The following NIPAL2 variants were observed in gnomAD, a reference collection of about 807,000 sequenced individuals.
NIPAL2 encodes NIPA like domain containing 2, also known as NIPA-like protein 2.
Under a neutral mutation model 48.9 loss-of-function variants are expected in NIPAL2, and 43 were observed. That is an observed-to-expected ratio of 0.88 (90% confidence interval 0.69 to 1.13). The LOEUF is 1.13. Among genes scored for constraint, NIPAL2 ranks in the 50% most tolerant of loss-of-function variants. The pLI, the probability that NIPAL2 is intolerant of heterozygous loss-of-function variation, is 0.00. For missense variants in NIPAL2, 446 were observed against 461.4 expected, an observed-to-expected ratio of 0.97 and a Z score of 0.31; for synonymous variants, 167 against 174.6, an observed-to-expected ratio of 0.96 and a Z score of 0.34.
At chr8:98,199,108 C>T (rs1810691546) in intron 8 of NIPAL2, among the ~76,000 whole-genome samples, 3 of 151,980 alleles carry the variant, frequency 2.0e-5, no homozygotes, top group South Asian at 4.2e-4. Flanking sequence ...AGTCATGTGC[C>T]ACCATGCCCG....
chr8:98,190,904 C>T lies in NIPAL2; in HGVS notation c.*2074G>A, dbSNP rs1384180727. 6.6e-6 allele frequency: 1 copy of T among 152,170 alleles called. No homozygotes were observed. Among genetic ancestry groups the T allele is most frequent in the Admixed American group, 6.5e-5 (1 of 15,284 alleles). 9.4% of individuals were successfully genotyped at this position (152,170 alleles called of 1,614,324 possible). On this transcript the variant is annotated 3_prime_UTR_variant, in exon 11 of 11. Transcript: ENST00000430223. ...TGAGTTGGCTTTAGTTGTTGTCATG[C>T]ACTGTGTAATTTAAAAAATCTTACA... is the stretch of plus-strand genomic sequence containing the variant.
At chr8:98,201,934 A>G (rs1190540781) in intron 8 of NIPAL2, among the ~76,000 whole-genome samples, 3 of 152,124 alleles carry the variant, frequency 2.0e-5, no homozygotes, top group Admixed American at 6.5e-5. Flanking sequence ...ATCCTCAGTT[A>G]CTCCTCCAAA....
At position 98,241,689 on chromosome 8, in the gene NIPAL2, C is replaced by G. The variant is rs567121498; in HGVS notation, c.377-5475G>C. Among the ~76,000 whole-genome samples the G allele has an allele frequency of 4.6e-5, 7 of 152,170 alleles. No individual in the cohort carries two copies. In the South Asian group the frequency reaches 1.2e-3, roughly 27 times the overall value. On this transcript the variant is annotated intron_variant, in intron 3 of 10. Coordinates refer to ENST00000430223, the MANE Select transcript of NIPAL2 (RefSeq NM_001321635.2). ...ATAGAAATTATTATGGAAAATTACA[C>G]AGTGATATTGATAATTTTATGCTAT...
At chr8:98,285,185 G>A (rs1282902947) in intron 1 of NIPAL2, among the ~76,000 whole-genome samples, 1 of 152,198 alleles carries the variant, frequency 6.6e-6, no homozygotes, top group African/African-American at 2.4e-5. Flanking sequence ...AGAAATGAAA[G>A]GTCCTGGGTG....
intron 1 of NIPAL2, among the ~76,000 whole-genome samples, chr8:98,255,565 A>T (rs1936698925): frequency 6.6e-6 from 1 of 152,354 alleles, no homozygotes; most frequent in South Asian, 2.1e-4. Context: ...TATTTTTTAA[A>T]TGAAGTAAAA....
chr8:98,246,315 T>A (rs1254599876), intron 3 of NIPAL2, among the ~76,000 whole-genome samples: 3 of 152,170 alleles, frequency 2.0e-5, no homozygotes, highest in Non-Finnish European at 4.4e-5. Context: ...TTCCACATCA[T>A]GAATTTTGAT....
intron 3 of NIPAL2, among the ~76,000 whole-genome samples, chr8:98,246,619 T>C (rs1813320759): frequency 6.6e-6 from 1 of 152,224 alleles, no homozygotes; most frequent in Admixed American, 6.5e-5. Context: ...TTTATGTGTC[T>C]CATACCTGGC....
At chr8:98,242,501 T>G (rs892437122) in intron 3 of NIPAL2, among the ~76,000 whole-genome samples, 4 of 149,196 alleles carry the variant, frequency 2.7e-5, no homozygotes, top group Non-Finnish European at 4.5e-5. Context: ...TTTTTTTTTT[T>G]TTTTTTAACT....
chr8:98,192,790 A>T lies in NIPAL2; in HGVS notation c.*188T>A. On this transcript the variant is annotated 3_prime_UTR_variant, in exon 11 of 11. Transcript: ENST00000430223. ...TGGGGAACACTCCAAATCACATTCC[A>T]TGGAAATATTAGACTGTCAGAGCTT... is the stretch of plus-strand genomic sequence containing the variant. The T allele has an allele frequency of 1.7e-6, 1 of 599,238 alleles. No homozygotes were observed. Among genetic ancestry groups the T allele is most frequent in the South Asian group, 2.0e-5 (1 of 48,942 alleles). The allele number at this position is 599,238 out of a possible 1,614,324, so 37.1% of individuals were successfully genotyped here.
At position 98,280,761 on chromosome 8, in the gene NIPAL2, T is replaced by TAGAGAGAGAGAGAG. The variant is rs1554578553; in HGVS notation, c.135+13228_135+13241dup. Among the ~76,000 whole-genome samples the TAGAGAGAGAGAGAG allele has an allele frequency of 2.2e-3, 65 of 29,994 alleles. 1 individual carries two copies. Among genetic ancestry groups the TAGAGAGAGAGAGAG allele is most frequent in the African/African-American group, 2.6e-3 (23 of 8,770 alleles). The allele number at this position is 29,994 out of a possible 152,430, so 19.7% of individuals were successfully genotyped here. On this transcript the variant is annotated intron_variant, in intron 1 of 10. Coordinates refer to ENST00000430223, the MANE Select transcript of NIPAL2 (RefSeq NM_001321635.2). ...CTATATATATATATATATATATATA[T>TAGAGAGAGAGAGAG]AGAGAGAGAGAGAGAGAGAGAGAGA...
chr8:98,208,125 C>T (rs1811126023), intron 6 of NIPAL2, among the ~76,000 whole-genome samples: 1 of 152,134 alleles, frequency 6.6e-6, no homozygotes, highest in African/African-American at 2.4e-5. Flanking sequence ...GTACAGTGCT[C>T]AATTGCACAG....
chr8:98,195,186 T>C (rs1235013788), intron 9 of NIPAL2, among the ~76,000 whole-genome samples: 1 of 152,246 alleles, frequency 6.6e-6, no homozygotes, highest in Non-Finnish European at 1.5e-5. Flanking sequence ...AATCTAGTTT[T>C]CCTTGGCCAT....
At chr8:98,246,512 T>C (rs1308388928) in intron 3 of NIPAL2, among the ~76,000 whole-genome samples, 1 of 152,198 alleles carries the variant, frequency 6.6e-6, no homozygotes, top group African/African-American at 2.4e-5. Flanking sequence ...TATCTTTCCA[T>C]ACAAAATTTC....
At chr8:98,282,424 A>G (rs111630920) in intron 1 of NIPAL2, among the ~76,000 whole-genome samples, 16 of 152,310 alleles carry the variant, frequency 1.1e-4, no homozygotes, top group African/African-American at 3.6e-4. Context: ...CAAGGAGACC[A>G]GGGAACAGGA....
At chr8:98,260,686 G>T (rs956268128) in intron 1 of NIPAL2, among the ~76,000 whole-genome samples, 8 of 152,220 alleles carry the variant, frequency 5.3e-5, no homozygotes, top group African/African-American at 1.9e-4. Flanking sequence ...CTGCAAGGCG[G>T]CAGCGAGGCT....
intron 1 of NIPAL2, among the ~76,000 whole-genome samples, chr8:98,281,665 C>A (rs1471938143): frequency 6.6e-6 from 1 of 152,152 alleles, no homozygotes; most frequent in East Asian, 1.9e-4. Context: ...AAAAGGGAAG[C>A]TGAGAAGAAG....
chr8:98,207,932 AT>A lies in NIPAL2; in HGVS notation c.656-2687del, dbSNP rs914458689. On this transcript the variant is annotated intron_variant, in intron 6 of 10. Coordinates refer to ENST00000430223, the MANE Select transcript of NIPAL2 (RefSeq NM_001321635.2). ...ATTTTTGGATATTTAGGTTGTATCC[AT>A]TTTTTTTTTAACTATTAAAAGCGGG... Among the ~76,000 whole-genome samples, 129 of 149,596 alleles carry A rather than the reference AT, an allele frequency of 8.6e-4. 1 individual carries two copies. The highest frequency in any genetic ancestry group is 4.5e-3 in the Admixed American group (67 of 14,986).
chr8:98,270,277 G>A (rs935172808), intron 1 of NIPAL2, among the ~76,000 whole-genome samples: 3 of 152,132 alleles, frequency 2.0e-5, no homozygotes, highest in African/African-American at 7.2e-5. Context: ...TTCCACAGGG[G>A]CTGAACAATT....
chr8:98,205,312 G>A (rs1810978617), intron 6 of NIPAL2, 66 bp from the exon 7 acceptor site: 1 of 1,424,432 alleles, frequency 7.0e-7, no homozygotes, highest in Non-Finnish European at 9.6e-7. Flanking sequence ...AATATCTTAA[G>A]CTTATGTAGT....
Sources: allele counts gnomAD v4.1 joint callset (sites outside exome capture counted in the v4.1 genomes callset), GRCh38; gene constraint gnomAD v4.1.1; transcripts MANE v1.5; gene names NCBI Gene and HGNC (gene_info 2026-07-23, HGNC 2026-07-21).